Variants in DAB1 observed in about 807,000 individuals in gnomAD.
DAB1 encodes the protein DAB adaptor protein 1, also known as disabled homolog 1.
Under a neutral mutation model 64.6 loss-of-function variants are expected in DAB1, and 15 were observed. The ratio of observed to expected loss-of-function variants is 0.23; its 90% confidence interval spans 0.16 to 0.36. DAB1 has a LOEUF of 0.36. Ranked by LOEUF, DAB1 falls within the 10% of genes least tolerant of loss-of-function variation. The pLI, the probability that DAB1 is intolerant of heterozygous loss-of-function variation, is 1.00. For synonymous variants in DAB1, 235 were observed against 251.9 expected (o/e 0.93, Z 0.64); for missense variants, 596 against 706.7 (o/e 0.84, Z 1.78).
chr1:57,899,077 G>A (rs1286709217), intron 5 of DAB1, among the ~76,000 whole-genome samples: 1 of 151,684 alleles, frequency 6.6e-6, no homozygotes, highest in Non-Finnish European at 1.5e-5. Context: ...CTGTATCATC[G>A]ATAAATGGGT....
At chr1:58,320,730 G>A (rs1016182956) in intron 4 of DAB1, among the ~76,000 whole-genome samples, 18 of 152,176 alleles carry the variant, frequency 1.2e-4, no homozygotes, top group African/African-American at 4.1e-4. Context: ...AGTCATACCT[G>A]TGCCAGTCCT....
chr1:57,317,031 G>T (rs367734835), intron 1 of DAB1, among the ~76,000 whole-genome samples: 3 of 152,198 alleles, frequency 2.0e-5, no homozygotes, highest in Admixed American at 6.5e-5. Flanking sequence ...GAAAGACCCC[G>T]ACTTTCATCT....
chr1:58,184,215 G>A (rs1343195427), intron 4 of DAB1, among the ~76,000 whole-genome samples: 2 of 150,898 alleles, frequency 1.3e-5, no homozygotes, highest in African/African-American at 4.9e-5. Context: ...CTTGCCTACA[G>A]ATATAAATCA....
At chr1:57,737,751 T>C (rs1647767192) in intron 6 of DAB1, among the ~76,000 whole-genome samples, 1 of 152,140 alleles carries the variant, frequency 6.6e-6, no homozygotes, top group African/African-American at 2.4e-5. Context: ...GAAGGGGAGA[T>C]AAATGGGGGA....
At chr1:57,780,597 C>G (rs1056705483) in intron 6 of DAB1, among the ~76,000 whole-genome samples, 6 of 149,080 alleles carry the variant, frequency 4.0e-5, no homozygotes, top group African/African-American at 1.5e-4. Flanking sequence ...GAAAAAAAAT[C>G]CATATTTTGA....
At chr1:58,225,256 A>T (rs576591447) in intron 4 of DAB1, among the ~76,000 whole-genome samples, 10 of 152,184 alleles carry the variant, frequency 6.6e-5, no homozygotes, top group African/African-American at 2.2e-4. Flanking sequence ...TCAAAACCAC[A>T]ATGAGATACC....
intron 3 of DAB1, among the ~76,000 whole-genome samples, chr1:58,450,555 C>T (rs569504815): frequency 6.6e-6 from 1 of 152,134 alleles, no homozygotes; most frequent in Non-Finnish European, 1.5e-5. Flanking sequence ...GTGATCGAGA[C>T]CATCCTGGCT....
intron 6 of DAB1, among the ~76,000 whole-genome samples, chr1:57,659,740 G>C (rs1047598383): frequency 6.6e-6 from 1 of 152,144 alleles, no homozygotes; most frequent in African/African-American, 2.4e-5. Context: ...ACTTTGGGAG[G>C]CTGAGGTGGG....
exon 3 of DAB1, chr1:58,506,188 T>G: frequency 1.1e-6 from 1 of 871,332 alleles, no homozygotes. Context: ...AACACTGAAC[T>G]GGCTCTTATG....
At chr1:58,038,945 G>A (rs1647089961) in intron 5 of DAB1, among the ~76,000 whole-genome samples, 1 of 152,094 alleles carries the variant, frequency 6.6e-6, no homozygotes, top group Non-Finnish European at 1.5e-5. Context: ...GTACGTTCGG[G>A]TCTTAATTTC....
At chr1:57,942,149 T>C (rs1215667195) in intron 5 of DAB1, among the ~76,000 whole-genome samples, 3 of 152,166 alleles carry the variant, frequency 2.0e-5, no homozygotes, top group South Asian at 2.1e-4. Context: ...AGTGGACCCA[T>C]GTTCCTGTCA....
intron 5 of DAB1, among the ~76,000 whole-genome samples, chr1:57,974,697 G>A (rs1645877171): frequency 6.6e-6 from 1 of 151,840 alleles, no homozygotes; most frequent in Non-Finnish European, 1.5e-5. Flanking sequence ...ACATACCCAT[G>A]GCCCACATGC....
At chr1:57,241,830 C>T (rs904777541) in intron 2 of DAB1, among the ~76,000 whole-genome samples, 4 of 152,126 alleles carry the variant, frequency 2.6e-5, no homozygotes, top group Non-Finnish European at 4.4e-5. Context: ...AAACACTTAT[C>T]GTTCATATGT....
chr1:57,523,701 T>G (rs1172796033), intron 7 of DAB1, among the ~76,000 whole-genome samples: 1 of 152,032 alleles, frequency 6.6e-6, no homozygotes, highest in Non-Finnish European at 1.5e-5. Context: ...GCAGGTGGAT[T>G]ACTTGAGGCC....
At position 57,180,097 on chromosome 1, in the gene DAB1, T is replaced by C. The variant is rs114613782; in HGVS notation, c.68-34668A>G. 8.0e-3 allele frequency among the ~76,000 whole-genome samples: 1,225 copies of C among 152,338 alleles called. 6 individuals are homozygous for C. The highest frequency in any genetic ancestry group is 0.013 in the Non-Finnish European group (858 of 68,028). On this transcript the variant is annotated intron_variant, in intron 2 of 14. Transcript: ENST00000371236. ...CTACCAAGCTGTAAATCTTCACTCC[T>C]GCTTTTCTACAGAATCCAAGAACAA... is the stretch of plus-strand genomic sequence containing the variant.
chr1:57,761,462 G>T (rs929828174), intron 6 of DAB1, among the ~76,000 whole-genome samples: 1 of 152,166 alleles, frequency 6.6e-6, no homozygotes, highest in Non-Finnish European at 1.5e-5. Context: ...GGGAAATTCT[G>T]GATTTGACGA....
chr1:57,136,498 G>T (rs1294695743), intron 4 of DAB1, 45 bp downstream of exon 4: 2 of 1,184,180 alleles, frequency 1.7e-6, no homozygotes, highest in Non-Finnish European at 2.4e-6. Context: ...GGGTACATCT[G>T]TCAATGGATA....
At chr1:57,323,297 C>A (rs1162537421) in intron 1 of DAB1, among the ~76,000 whole-genome samples, 1 of 152,122 alleles carries the variant, frequency 6.6e-6, no homozygotes, top group Non-Finnish European at 1.5e-5. Context: ...AAGAGGGCAC[C>A]TTAATCAGAC....
At chr1:57,204,362 C>T (rs1248991864) in intron 2 of DAB1, among the ~76,000 whole-genome samples, 1 of 151,516 alleles carries the variant, frequency 6.6e-6, no homozygotes, top group Non-Finnish European at 1.5e-5. Context: ...TCAGGCTCTT[C>T]CCTGATCTCT....
Sources: allele counts gnomAD v4.1 joint callset (sites outside exome capture counted in the v4.1 genomes callset), GRCh38; gene constraint gnomAD v4.1.1; transcripts MANE v1.5; gene names NCBI Gene and HGNC (gene_info 2026-07-23, HGNC 2026-07-21).